MTUS2: variants seen among roughly 807,000 people sequenced by gnomAD.
MTUS2 encodes microtubule-associated tumor suppressor candidate 2.
MTUS2 carries 40 observed loss-of-function variants against 114.1 expected under a neutral mutation model. That is an observed-to-expected ratio of 0.35 (90% CI 0.27 to 0.46). The LOEUF (loss-of-function observed/expected upper bound fraction) is 0.46. Among genes scored for constraint, MTUS2 ranks in the 20% least tolerant of loss-of-function variants. The probability of loss-of-function intolerance (pLI) is 1.00; values close to 1 mark genes in which losing one functional copy is unlikely to be tolerated. For missense variants in MTUS2, 1,679 were observed against 1,705.4 expected (o/e 0.98, Z 0.27); for synonymous variants, 688 against 672.0 (o/e 1.02, Z -0.37).
At chr13:28,956,306 A>G (rs957360720) in intron 2 of MTUS2, among the ~76,000 whole-genome samples, 10 of 151,962 alleles carry the variant, frequency 6.6e-5, no homozygotes, top group African/African-American at 2.4e-4. Flanking sequence ...CCTCACTCCT[A>G]TCCCCAGCAC....
chr13:29,260,625 C>A (rs942543825), intron 5 of MTUS2, among the ~76,000 whole-genome samples: 1 of 152,210 alleles, frequency 6.6e-6, no homozygotes, highest in Non-Finnish European at 1.5e-5. Flanking sequence ...AGAATTAACA[C>A]TGAACAACAA....
chr13:29,143,200 T>C lies in MTUS2; in HGVS notation c.2644+42230T>C, dbSNP rs1359598526. On this transcript the variant is annotated intron_variant, in intron 5 of 15. Coordinates refer to ENST00000612955, the MANE Select transcript of MTUS2 (RefSeq NM_001033602.4). ...CCAAAGCACACAGAAGCCTATTGTATTTTACTAGGTGTCAGGTAGGGAAGG... is the reference window on the plus strand; with the variant it reads ...CCAAAGCACACAGAAGCCTATTGTACTTTACTAGGTGTCAGGTAGGGAAGG... Among the ~76,000 whole-genome samples the C allele has an allele frequency of 3.0e-4, 45 of 152,202 alleles. 1 individual carries two copies. The highest frequency in any genetic ancestry group is 2.9e-3 in the Admixed American group (44 of 15,284).
intron 5 of MTUS2, among the ~76,000 whole-genome samples, chr13:29,203,532 G>A (rs73447271): frequency 0.025 from 3,563 of 145,138 alleles, 142 homozygotes; most frequent in African/African-American, 0.087. Flanking sequence ...GTTTTGTCTC[G>A]CTGATGTTCC....
At chr13:28,910,567 T>A (rs1487358157) in intron 2 of MTUS2, among the ~76,000 whole-genome samples, 1 of 151,892 alleles carries the variant, frequency 6.6e-6, no homozygotes, top group African/African-American at 2.4e-5. Flanking sequence ...AGGCCCCAGT[T>A]TGTGTTGTTC....
At chr13:29,110,934 T>C (rs982197985) in intron 5 of MTUS2, among the ~76,000 whole-genome samples, 2 of 152,238 alleles carry the variant, frequency 1.3e-5, no homozygotes, top group Non-Finnish European at 2.9e-5. Flanking sequence ...ATGTATAATA[T>C]GCATAAACCC....
chr13:29,373,669 G>A (rs907123059), intron 8 of MTUS2, among the ~76,000 whole-genome samples: 4 of 152,120 alleles, frequency 2.6e-5, no homozygotes, highest in Admixed American at 6.5e-5. Context: ...CTTTGAAAAC[G>A]GAGCTAACTT....
At chr13:29,374,967 C>A (rs1213752193) in intron 8 of MTUS2, among the ~76,000 whole-genome samples, 1 of 152,020 alleles carries the variant, frequency 6.6e-6, no homozygotes, top group Non-Finnish European at 1.5e-5. Flanking sequence ...GACATTCTCA[C>A]ATAAAGAAAA....
At chr13:29,085,464 T>G (rs1367500571) in intron 4 of MTUS2, among the ~76,000 whole-genome samples, 2 of 152,172 alleles carry the variant, frequency 1.3e-5, no homozygotes, top group African/African-American at 4.8e-5. Flanking sequence ...TAGACCCCAC[T>G]GTCTATTGTT....
intron 2 of MTUS2, among the ~76,000 whole-genome samples, chr13:28,899,893 C>CT (rs1168682584): frequency 1.4e-3 from 211 of 151,662 alleles, no homozygotes; most frequent in African/African-American, 4.3e-3. Flanking sequence ...TTTTATTTTA[C>CT]TTTTTTTGAG....
chr13:29,387,595 A>G (rs1422009812), intron 8 of MTUS2, among the ~76,000 whole-genome samples: 1 of 152,098 alleles, frequency 6.6e-6, no homozygotes, highest in African/African-American at 2.4e-5. Context: ...AGTGAGGGAG[A>G]CCCGCGAGGG....
intron 5 of MTUS2, among the ~76,000 whole-genome samples, chr13:29,178,618 G>A (rs1184245605): frequency 6.6e-6 from 1 of 151,858 alleles, no homozygotes; most frequent in East Asian, 1.9e-4. Flanking sequence ...GATACTGCCA[G>A]ATGTCCCTTG....
intron 5 of MTUS2, among the ~76,000 whole-genome samples, chr13:29,230,160 G>A (rs949922002): frequency 5.3e-5 from 8 of 152,132 alleles, no homozygotes; most frequent in Non-Finnish European, 1.0e-4. Context: ...GCAGGAGAAT[G>A]GAGTGAACCC....
At chr13:29,425,918 T>C (rs1226350520) in intron 8 of MTUS2, among the ~76,000 whole-genome samples, 1 of 152,216 alleles carries the variant, frequency 6.6e-6, no homozygotes, top group Non-Finnish European at 1.5e-5. Flanking sequence ...AGGGCTCTCA[T>C]ACATCTCCTA....
chr13:28,821,283 G>C (rs1462574481), intron 1 of MTUS2, among the ~76,000 whole-genome samples: 4 of 151,958 alleles, frequency 2.6e-5, no homozygotes, highest in Non-Finnish European at 4.4e-5. Context: ...GATAATATAG[G>C]ACCCTATATT....
chr13:29,030,107 A>G (rs918049655), intron 3 of MTUS2, among the ~76,000 whole-genome samples: 5 of 152,168 alleles, frequency 3.3e-5, no homozygotes, highest in African/African-American at 7.2e-5. Context: ...ATTTTCGTGT[A>G]TATTTCTTTT....
intron 11 of MTUS2, among the ~76,000 whole-genome samples, chr13:29,491,949 TGTA>T (rs1268751029): frequency 5.9e-5 from 8 of 134,948 alleles, no homozygotes; most frequent in African/African-American, 8.6e-5. Flanking sequence ...GTGTGTGGCA[TGTA>T]GTGTGTGTGT....
intron 2 of MTUS2, among the ~76,000 whole-genome samples, chr13:28,941,908 C>G (rs1882261650): frequency 1.3e-5 from 2 of 152,178 alleles, no homozygotes; most frequent in African/African-American, 4.8e-5. Flanking sequence ...AATATTCATT[C>G]ACTGAGTTAT....
chr13:29,314,451 C>T (rs1899902674), intron 6 of MTUS2, among the ~76,000 whole-genome samples: 1 of 152,082 alleles, frequency 6.6e-6, no homozygotes, highest in South Asian at 2.1e-4. Flanking sequence ...ACAAGGTGAA[C>T]TGAATTTTGA....
chr13:29,365,088 C>A (rs1870590370), intron 8 of MTUS2, among the ~76,000 whole-genome samples: 1 of 152,126 alleles, frequency 6.6e-6, no homozygotes, highest in South Asian at 2.1e-4. Flanking sequence ...AAAATAAGTG[C>A]CCCCACAGTG....
Sources: allele counts gnomAD v4.1 joint callset (sites outside exome capture counted in the v4.1 genomes callset), GRCh38; gene constraint gnomAD v4.1.1; transcripts MANE v1.5; gene names NCBI Gene and HGNC (gene_info 2026-07-23, HGNC 2026-07-21).